FCF1: variants seen among roughly 807,000 people sequenced by gnomAD.
FCF1 encodes FCF1 rRNA-processing protein, also known as rRNA-processing protein FCF1 homolog.
In FCF1, 17 loss-of-function variants were observed where a neutral mutation model predicts 32.5. That is an observed-to-expected ratio of 0.52 (90% CI 0.36 to 0.78). The LOEUF (loss-of-function observed/expected upper bound fraction) is 0.78. Among genes scored for constraint, FCF1 ranks in the 30% least tolerant of loss-of-function variants. The pLI, the probability that FCF1 is intolerant of heterozygous loss-of-function variation, is 0.00. For missense variants in FCF1, 201 were observed against 241.1 expected, an observed-to-expected ratio of 0.83 and a Z score of 1.10; for synonymous variants, 84 against 78.4, an observed-to-expected ratio of 1.07 and a Z score of -0.38.
At chr14:74,716,742 T>C (rs2090426634) in intron 4 of FCF1, among the ~76,000 whole-genome samples, 1 of 152,210 alleles carries the variant, frequency 6.6e-6, no homozygotes, top group South Asian at 2.1e-4. Flanking sequence ...GTAAGATCTG[T>C]CCCATTTGTA....
At position 74,713,422 on chromosome 14, in the gene FCF1, G is replaced by T. The variant is rs1409577872; in HGVS notation, c.4-63G>T. On this transcript the variant is annotated intron_variant, in intron 1 of 7. Transcript: ENST00000341162. ...AGGGAAGGCAATAGACAAGAGAAAA[G>T]AAGAGACTTTAAAAGATGCCGTGTG... 8 of 1,569,508 alleles carry T rather than the reference G, an allele frequency of 5.1e-6. No homozygotes were observed. The African/African-American group carries it at 1.1e-4, about 21-fold the overall frequency.
At chr14:74,732,684 C>G (rs1325301148) in intron 5 of FCF1, 47 bp from the exon 6 acceptor site, 3 of 1,293,124 alleles carry the variant, frequency 2.3e-6, no homozygotes, top group South Asian at 1.2e-5. Context: ...AATTAAGACT[C>G]AGAAAGTTAT....
intron 6 of FCF1, among the ~76,000 whole-genome samples, chr14:74,733,637 A>G (rs1217673222): frequency 6.6e-6 from 1 of 152,134 alleles, no homozygotes; most frequent in Non-Finnish European, 1.5e-5. Context: ...GCTTACCTCT[A>G]ACATCAGTAG....
Position 74,738,278 on chromosome 14 carries a change from G to A in FCF1, c.*3348G>A, listed in dbSNP as rs557056873. 2.0e-5 allele frequency: 3 copies of A among 151,874 alleles called. No individual in the cohort carries two copies. The highest frequency in any genetic ancestry group is 2.0e-4 in the Admixed American group (3 of 15,232). The allele number at this position is 151,874 out of a possible 1,614,324, so 9.4% of individuals were successfully genotyped here. A position where few individuals can be genotyped will look rare whatever the true frequency, so the allele number is the denominator to read the frequency against. Reference sequence around the variant, plus strand: ...CCCACCTTGGCCTTCTAAAGTATTGGGATTATGGGCATGAGCCACTGCACC... The same window carrying A: ...CCCACCTTGGCCTTCTAAAGTATTGAGATTATGGGCATGAGCCACTGCACC... On this transcript the variant is annotated 3_prime_UTR_variant, in exon 8 of 8. Transcript: ENST00000341162.
At chr14:74,729,030 C>G (rs1441259715) in intron 5 of FCF1, among the ~76,000 whole-genome samples, 1 of 152,190 alleles carries the variant, frequency 6.6e-6, no homozygotes, top group Non-Finnish European at 1.5e-5. Flanking sequence ...ATTTTTGCAT[C>G]AGTGTTCATC....
rs1256536385 is a variant in FCF1, at chr14:74,734,942, C to T, written c.*12C>T. The T allele has an allele frequency of 2.5e-6, 4 of 1,609,648 alleles. No individual in the cohort carries two copies. The African/African-American group carries it at 4.0e-5, about 16-fold the overall frequency. ...CCCCTCGATTCTAATTCTTACAAGA[C>T]ACAGTTCCTCTGCCTTTCTTCGACC... is the stretch of plus-strand genomic sequence containing the variant. On this transcript the variant is annotated 3_prime_UTR_variant, in exon 8 of 8. Transcript: ENST00000341162.
intron 5 of FCF1, among the ~76,000 whole-genome samples, chr14:74,725,175 C>T (rs572526953): frequency 6.6e-6 from 1 of 151,954 alleles, no homozygotes; most frequent in East Asian, 1.9e-4. Flanking sequence ...TGCAGACAGC[C>T]AGAAGAAATG....
chr14:74,734,014 T>G, intron 6 of FCF1, 62 bp from the exon 7 acceptor site: 1 of 1,069,736 alleles, frequency 9.3e-7, no homozygotes, highest in Non-Finnish European at 1.5e-6. Flanking sequence ...TGTGCCATTA[T>G]CCAGTATTCA....
intron 5 of FCF1, among the ~76,000 whole-genome samples, chr14:74,732,226 C>G (rs1018587131): frequency 1.3e-5 from 2 of 151,840 alleles, no homozygotes; most frequent in Non-Finnish European, 2.9e-5. Flanking sequence ...CACATTGGTA[C>G]GTACAGCTCT....
intron 4 of FCF1, among the ~76,000 whole-genome samples, chr14:74,721,451 A>G (rs1212762132): frequency 6.6e-6 from 1 of 152,214 alleles, no homozygotes; most frequent in East Asian, 1.9e-4. Context: ...CTATAATCCC[A>G]TCATTTTGGG....
intron 5 of FCF1, among the ~76,000 whole-genome samples, chr14:74,730,987 G>GAC (rs913701949): frequency 6.6e-6 from 1 of 151,214 alleles, no homozygotes; most frequent in Non-Finnish European, 1.5e-5. Flanking sequence ...GACAGAATGA[G>GAC]ACCCCATCTC....
intron 5 of FCF1, among the ~76,000 whole-genome samples, chr14:74,732,260 A>G (rs1192207577): frequency 6.6e-6 from 1 of 152,144 alleles, no homozygotes; most frequent in East Asian, 1.9e-4. Flanking sequence ...TTAATAGGAT[A>G]AGGGCACCAA....
At chr14:74,715,730 A>G (rs763890742) in intron 3 of FCF1, 7 of 962,158 alleles carry the variant, frequency 7.3e-6, no homozygotes, top group Non-Finnish European at 1.1e-5. Context: ...TTTGTTTTTG[A>G]TAATTGCTTT....
At chr14:74,732,652 A>C in intron 5 of FCF1, 79 bp from the exon 6 acceptor site, 1 of 943,064 alleles carries the variant, frequency 1.1e-6, no homozygotes, top group Non-Finnish European at 1.7e-6. Flanking sequence ...CTCTGCATAG[A>C]TCATGTTACT....
rs563251213 is a variant in FCF1, at chr14:74,727,405, C to T, written c.365+4061C>T. ...TGTTTTTTGGCTGCATAAATGTCTT[C>T]TTTTGAGTAGTGTCTGTTCATGTCC... On this transcript the variant is annotated intron_variant, in intron 5 of 7. Coordinates refer to ENST00000341162, the MANE Select transcript of FCF1 (RefSeq NM_015962.5). 3.7e-3 allele frequency among the ~76,000 whole-genome samples: 556 copies of T among 152,242 alleles called. 8 individuals are homozygous for T. The highest frequency in any genetic ancestry group is 0.013 in the African/African-American group (522 of 41,538).
At chr14:74,726,252 C>T (rs1284527005) in intron 5 of FCF1, among the ~76,000 whole-genome samples, 4 of 151,530 alleles carry the variant, frequency 2.6e-5, no homozygotes, top group African/African-American at 9.7e-5. Flanking sequence ...ATTGGGAGCC[C>T]GAAGCAGGAG....
chr14:74,729,944 T>G (rs2090613046), intron 5 of FCF1, among the ~76,000 whole-genome samples: 1 of 152,204 alleles, frequency 6.6e-6, no homozygotes, highest in Non-Finnish European at 1.5e-5. Flanking sequence ...GAGTTCTAGT[T>G]TGATTGCACT....
At chr14:74,717,571 C>A (rs943564550) in intron 4 of FCF1, among the ~76,000 whole-genome samples, 1 of 152,138 alleles carries the variant, frequency 6.6e-6, no homozygotes, top group Non-Finnish European at 1.5e-5. Flanking sequence ...TGAAATAAAT[C>A]TTTTAGAAAT....
Position 74,713,448 on chromosome 14 carries a change from T to C in FCF1, c.4-37T>C, listed in dbSNP as rs945843633. On this transcript the variant is annotated intron_variant, in intron 1 of 7. Transcript: ENST00000341162. The stretch of plus-strand genomic sequence containing the variant: ...AAGAGACTTTAAAAGATGCCGTGTG[T>C]TTCCAACTTTTTTAATTCTAAAATT... 5 of 1,603,078 alleles carry C rather than the reference T, an allele frequency of 3.1e-6. No homozygotes were observed. In the African/African-American group the frequency reaches 5.4e-5, roughly 17 times the overall value.
Sources: allele counts gnomAD v4.1 joint callset (sites outside exome capture counted in the v4.1 genomes callset), GRCh38; gene constraint gnomAD v4.1.1; transcripts MANE v1.5; gene names NCBI Gene and HGNC (gene_info 2026-07-23, HGNC 2026-07-21).